The following IL15 variants were observed in gnomAD, a reference collection of about 807,000 sequenced individuals.
IL15 encodes the protein interleukin 15.
In IL15, 11 loss-of-function variants were observed where a neutral mutation model predicts 19.6. The ratio of observed to expected loss-of-function variants is 0.56; its 90% CI spans 0.35 to 0.93. The LOEUF is 0.93. IL15 is among the 40% of genes least tolerant of loss of function. The pLI is 0.01. For missense variants in IL15, 197 were observed against 186.5 expected (o/e 1.06, Z -0.33); for synonymous variants, 58 against 59.6 (o/e 0.97, Z 0.12).
chr4:141,655,346 A>G (rs1727552963), intron 1 of IL15, among the ~76,000 whole-genome samples: 1 of 152,120 alleles, frequency 6.6e-6, no homozygotes, highest in Non-Finnish European at 1.5e-5. Flanking sequence ...GCGGTATTAT[A>G]CAAACATGAT....
chr4:141,655,387 A>G (rs924372600), intron 1 of IL15, among the ~76,000 whole-genome samples: 2 of 152,184 alleles, frequency 1.3e-5, no homozygotes, highest in Non-Finnish European at 2.9e-5. Flanking sequence ...AAAAAAAAAA[A>G]CAATTCTAAG....
At chr4:141,655,564 T>C (rs1727561225) in intron 1 of IL15, among the ~76,000 whole-genome samples, 1 of 152,164 alleles carries the variant, frequency 6.6e-6, no homozygotes, top group Non-Finnish European at 1.5e-5. Flanking sequence ...GTTATACTAC[T>C]TTACTTTTTT....
intron 2 of IL15, among the ~76,000 whole-genome samples, chr4:141,681,745 C>G (rs2152172735): frequency 6.6e-6 from 1 of 152,258 alleles, no homozygotes; most frequent in East Asian, 1.9e-4. Context: ...CCTTTTTACC[C>G]TATTATAAGA....
chr4:141,652,451 G>A (rs929247710), intron 1 of IL15, among the ~76,000 whole-genome samples: 1 of 152,038 alleles, frequency 6.6e-6, no homozygotes, highest in Non-Finnish European at 1.5e-5. Flanking sequence ...TAATAGAGAC[G>A]ACCTCCCCCT....
At chr4:141,728,933 C>CTTAGATT (rs942252865) in intron 6 of IL15, among the ~76,000 whole-genome samples, 20 of 152,052 alleles carry the variant, frequency 1.3e-4, no homozygotes, top group African/African-American at 3.1e-4. Flanking sequence ...GAGAAACAAC[C>CTTAGATT]TTAGATTTTA....
At chr4:141,667,294 G>A (rs932209) in intron 2 of IL15, among the ~76,000 whole-genome samples, 77,068 of 152,036 alleles carry the variant, frequency 0.51, 19,875 homozygotes, top group East Asian at 0.85. Context: ...TAACTGATCG[G>A]TTAGAAGCCC....
At chr4:141,703,736 GAA>G (rs569683867) in intron 2 of IL15, among the ~76,000 whole-genome samples, 23 of 92,748 alleles carry the variant, frequency 2.5e-4, no homozygotes, top group Admixed American at 8.9e-4. Context: ...CTGCTATCTT[GAA>G]AAAAAAAAAA....
At chr4:141,685,520 C>T (rs544434886) in intron 2 of IL15, among the ~76,000 whole-genome samples, 2 of 152,218 alleles carry the variant, frequency 1.3e-5, no homozygotes, top group South Asian at 2.1e-4. Flanking sequence ...TTTTTGGCCT[C>T]AGCTCCCTCA....
intron 5 of IL15, 101 bp downstream of exon 5, chr4:141,722,109 A>G (rs1730105670): frequency 3.0e-6 from 4 of 1,327,588 alleles, no homozygotes; most frequent in Admixed American, 5.3e-5. Context: ...ACTTGAAACA[A>G]TAATATTTTT....
intron 5 of IL15, among the ~76,000 whole-genome samples, chr4:141,726,435 G>A (rs1730266757): frequency 1.3e-5 from 2 of 152,232 alleles, no homozygotes; most frequent in East Asian, 3.9e-4. Flanking sequence ...AAATATAAAT[G>A]AACAAGGGTG....
At chr4:141,686,022 C>A (rs962243217) in intron 2 of IL15, among the ~76,000 whole-genome samples, 1 of 152,022 alleles carries the variant, frequency 6.6e-6, no homozygotes, top group Non-Finnish European at 1.5e-5. Flanking sequence ...GTAGGCTGGG[C>A]GCAGTGGCTC....
At chr4:141,721,504 A>G in intron 4 of IL15, 1 of 547,478 alleles carries the variant, frequency 1.8e-6, no homozygotes, top group East Asian at 4.5e-5. Context: ...TCATTACATG[A>G]AAATGATTAT....
intron 2 of IL15, chr4:141,714,532 C>T (rs1432915371): frequency 6.6e-6 from 1 of 152,264 alleles, no homozygotes; most frequent in African/African-American, 2.4e-5. Context: ...TGTCAGCCAT[C>T]CCAGGCAGGC....
At chr4:141,698,055 G>A (rs1729160159) in intron 2 of IL15, among the ~76,000 whole-genome samples, 1 of 151,852 alleles carries the variant, frequency 6.6e-6, no homozygotes, top group Non-Finnish European at 1.5e-5. Flanking sequence ...AAGGGATGCT[G>A]GATTATATCA....
intron 2 of IL15, among the ~76,000 whole-genome samples, chr4:141,675,028 G>T (rs929272360): frequency 1.3e-5 from 2 of 152,046 alleles, no homozygotes; most frequent in Non-Finnish European, 2.9e-5. Flanking sequence ...GCTCATTCAG[G>T]TTGTTGGCAG....
chr4:141,733,016 A>G lies in IL15; in HGVS notation c.*168A>G. On this transcript the variant is annotated 3_prime_UTR_variant, in exon 8 of 8. Transcript: ENST00000320650. ...AACTCTTAGAAATGAAGGCAGAAAAATGTCATTGAGTAATATAGTGACTAT... is the reference window on the plus strand; with the variant it reads ...AACTCTTAGAAATGAAGGCAGAAAAGTGTCATTGAGTAATATAGTGACTAT... 1.9e-6 allele frequency: 2 copies of G among 1,064,374 alleles called. No individual in the cohort carries two copies. Among genetic ancestry groups the G allele is most frequent in the Non-Finnish European group, 2.6e-6 (2 of 783,768 alleles). The allele number at this position is 1,064,374 out of a possible 1,614,324, so 65.9% of individuals were successfully genotyped here.
intron 2 of IL15, among the ~76,000 whole-genome samples, chr4:141,704,172 A>G (rs1729431511): frequency 6.6e-6 from 1 of 152,148 alleles, no homozygotes; most frequent in South Asian, 2.1e-4. Context: ...CCCCTTCAGT[A>G]TGATGTTAGC....
chr4:141,656,174 T>C lies in IL15; in HGVS notation c.-221-12T>C. ...TTATTAATCCTCTTATCCGTACCTT[T>C]GACTCTTACAGAATCCATTCCAATA... On this transcript the variant is annotated splice_polypyrimidine_tract_variant and intron_variant, in intron 1 of 7. Transcript: ENST00000320650. 2.5e-6 allele frequency: 1 copy of C among 398,430 alleles called. No homozygotes were observed. The highest frequency in any genetic ancestry group is 4.4e-6 in the Non-Finnish European group (1 of 225,914). The allele number at this position is 398,430 out of a possible 1,614,324, so 24.7% of individuals were successfully genotyped here.
chr4:141,715,587 T>C (rs562804805), intron 2 of IL15: 1 of 152,340 alleles, frequency 6.6e-6, no homozygotes, highest in South Asian at 2.1e-4. Flanking sequence ...CCATCATTGA[T>C]GTATTCCAAG....
Sources: gnomAD v4.1 joint callset for allele counts (sites outside exome capture counted in the v4.1 genomes callset) on GRCh38, gnomAD v4.1.1 for gene constraint, MANE v1.5 for transcripts, NCBI Gene and HGNC (gene_info 2026-07-23, HGNC 2026-07-21) for gene names.